Variants in VRK2 observed in about 807,000 individuals in gnomAD.
VRK2 encodes VRK serine/threonine kinase 2.
VRK2 carries 60 observed loss-of-function variants against 57.6 expected under a neutral mutation model. The observed-to-expected ratio is 1.04, with a 90% CI of 0.85 to 1.29. VRK2 has a LOEUF of 1.29. Among genes scored for constraint, VRK2 ranks in the 50% most tolerant of loss-of-function variants. The probability of loss-of-function intolerance (pLI) is 0.00; values close to 1 mark genes in which losing one functional copy is unlikely to be tolerated. For missense variants in VRK2, 705 were observed against 588.1 expected, an observed-to-expected ratio of 1.20 and a Z score of -2.06; for synonymous variants, 231 against 199.2, an observed-to-expected ratio of 1.16 and a Z score of -1.35.
chr2:58,012,109 G>GT (rs897088084), intron 1 of VRK2, among the ~76,000 whole-genome samples: 6 of 152,152 alleles, frequency 3.9e-5, no homozygotes, highest in African/African-American at 1.4e-4. Context: ...GAAATTTACA[G>GT]TTTTTCAGGA....
chr2:57,996,181 T>A (rs1449217667), intron 1 of VRK2, among the ~76,000 whole-genome samples: 1 of 152,184 alleles, frequency 6.6e-6, no homozygotes, highest in Admixed American at 6.5e-5. Context: ...CCTTGGGGGA[T>A]AAGGAGACAG....
At chr2:57,975,847 T>C (rs548253485) in intron 1 of VRK2, among the ~76,000 whole-genome samples, 1 of 151,946 alleles carries the variant, frequency 6.6e-6, no homozygotes, top group African/African-American at 2.4e-5. Flanking sequence ...GGGTTTGATA[T>C]GCAAATGATT....
intron 2 of VRK2, among the ~76,000 whole-genome samples, chr2:58,072,350 C>G (rs1027329098): frequency 1.3e-5 from 2 of 151,894 alleles, no homozygotes; most frequent in African/African-American, 2.4e-5. Context: ...TGTTCCCAGT[C>G]TTAAGATGAA....
chr2:58,074,559 T>C (rs1397330360), intron 2 of VRK2, among the ~76,000 whole-genome samples: 5 of 152,146 alleles, frequency 3.3e-5, no homozygotes, highest in African/African-American at 1.2e-4. Context: ...TTAGTGCAGG[T>C]ACCTTATAAT....
At chr2:58,072,333 C>T (rs574182529) in intron 2 of VRK2, among the ~76,000 whole-genome samples, 9 of 152,022 alleles carry the variant, frequency 5.9e-5, no homozygotes, top group African/African-American at 1.9e-4. Context: ...AGGAGACATC[C>T]TTGCTTTGTT....
At chr2:57,967,479 T>C (rs1007082317) in intron 1 of VRK2, among the ~76,000 whole-genome samples, 1 of 152,106 alleles carries the variant, frequency 6.6e-6, no homozygotes, top group African/African-American at 2.4e-5. Context: ...TAACATTCAG[T>C]ACTAATTTAA....
chr2:57,966,429 A>T (rs1219148218), intron 1 of VRK2, among the ~76,000 whole-genome samples: 1 of 152,154 alleles, frequency 6.6e-6, no homozygotes, highest in Admixed American at 6.6e-5. Flanking sequence ...ATAAGCTGTT[A>T]TGTTTTTGTT....
rs370645498 is a variant in VRK2 at position 57,922,298 on chromosome 2, G to A, written c.-439+14459G>A. On this transcript the variant is annotated intron_variant, in intron 1 of 15. Transcript: ENST00000417641. Reference sequence around the variant, plus strand: ...ATATACAGAAGACCAATATATTGTCGTCAACATCGTCATCTTTTTTCAGCT... The same window carrying A: ...ATATACAGAAGACCAATATATTGTCATCAACATCGTCATCTTTTTTCAGCT... 3.6e-4 allele frequency among the ~76,000 whole-genome samples: 54 copies of A among 152,030 alleles called. 1 individual carries two copies. In the South Asian group the frequency reaches 0.011, roughly 30 times the overall value.
At chr2:57,916,840 G>A (rs1255822699) in intron 1 of VRK2, among the ~76,000 whole-genome samples, 1 of 152,108 alleles carries the variant, frequency 6.6e-6, no homozygotes, top group African/African-American at 2.4e-5. Flanking sequence ...CAACTCTTTG[G>A]AAAGTCACTT....
intron 7 of VRK2, among the ~76,000 whole-genome samples, chr2:58,096,214 T>C (rs538258445): frequency 6.6e-6 from 1 of 152,234 alleles, no homozygotes; most frequent in African/African-American, 2.4e-5. Flanking sequence ...TTGATATTCG[T>C]AAGTGATATT....
intron 1 of VRK2, among the ~76,000 whole-genome samples, chr2:57,969,759 C>T (rs1203138674): frequency 2.0e-5 from 3 of 152,062 alleles, no homozygotes; most frequent in Non-Finnish European, 2.9e-5. Context: ...TCTTGTATTG[C>T]GGTCAGCTGA....
At chr2:58,003,806 C>T (rs1673160934) in intron 1 of VRK2, among the ~76,000 whole-genome samples, 1 of 152,066 alleles carries the variant, frequency 6.6e-6, no homozygotes, top group Admixed American at 6.5e-5. Flanking sequence ...GGTATTTATA[C>T]ATTTTTCTCA....
At chr2:57,980,801 T>C (rs1373421255) in intron 1 of VRK2, among the ~76,000 whole-genome samples, 1 of 152,160 alleles carries the variant, frequency 6.6e-6, no homozygotes, top group Non-Finnish European at 1.5e-5. Context: ...CTTTGTCCTT[T>C]TTGATCATTG....
chr2:57,953,277 G>C (rs1249974884), intron 1 of VRK2, among the ~76,000 whole-genome samples: 2 of 152,120 alleles, frequency 1.3e-5, no homozygotes, highest in Non-Finnish European at 2.9e-5. Flanking sequence ...CTTTTGTCTT[G>C]ATTGTAATGC....
At chr2:58,038,542 T>G (rs1374591050) in intron 3 of VRK2, among the ~76,000 whole-genome samples, 4 of 152,114 alleles carry the variant, frequency 2.6e-5, no homozygotes, top group African/African-American at 9.7e-5. Flanking sequence ...CAGTCCCGAG[T>G]GTAGGATAAT....
chr2:58,060,759 G>A (rs1677205488), intron 2 of VRK2, among the ~76,000 whole-genome samples: 1 of 151,788 alleles, frequency 6.6e-6, no homozygotes, highest in South Asian at 2.1e-4. Flanking sequence ...TACATACTAG[G>A]TTTTTAAACC....
At chr2:58,114,066 T>G (rs57723225) in intron 7 of VRK2, among the ~76,000 whole-genome samples, 1 of 152,186 alleles carries the variant, frequency 6.6e-6, no homozygotes, top group East Asian at 1.9e-4. Flanking sequence ...ATTGTGGGGT[T>G]GTTAGAAGAA....
At chr2:58,101,790 A>T (rs1362641873) in intron 7 of VRK2, among the ~76,000 whole-genome samples, 1 of 151,734 alleles carries the variant, frequency 6.6e-6, no homozygotes, top group African/African-American at 2.4e-5. Context: ...ATATATATGT[A>T]CATCAGGAGA....
intron 12 of VRK2, 105 bp downstream of exon 12, chr2:58,146,579 G>A: frequency 7.5e-7 from 1 of 1,332,514 alleles, no homozygotes. Context: ...AAGGTTGTAT[G>A]GTTTTGTTAA....
Sources: gnomAD v4.1 joint callset for allele counts (sites outside exome capture counted in the v4.1 genomes callset) on GRCh38, gnomAD v4.1.1 for gene constraint, MANE v1.5 for transcripts, NCBI Gene and HGNC (gene_info 2026-07-23, HGNC 2026-07-21) for gene names.